The following SUPT3H variants were observed in gnomAD, a reference collection of about 807,000 sequenced individuals.
SUPT3H encodes transcription initiation protein SPT3 homolog.
SUPT3H carries 44 observed loss-of-function variants against 44.3 expected under a neutral mutation model. The ratio of observed to expected loss-of-function variants is 0.99; its 90% CI spans 0.78 to 1.28. SUPT3H has a LOEUF of 1.28. Ranked by LOEUF, SUPT3H falls within the 50% of genes most tolerant of loss-of-function variation. The probability of loss-of-function intolerance (pLI) is 0.00; values close to 1 mark genes in which losing one functional copy is unlikely to be tolerated. For synonymous variants in SUPT3H, 124 were observed against 125.6 expected (o/e 0.99, Z 0.09); for missense variants, 380 against 387.1 (o/e 0.98, Z 0.15).
At chr6:45,309,095 T>C (rs769870475) in intron 2 of SUPT3H, among the ~76,000 whole-genome samples, 1 of 148,542 alleles carries the variant, frequency 6.7e-6, no homozygotes, top group Non-Finnish European at 1.5e-5. Context: ...GAAAAATAAA[T>C]GGAGAAAGGA....
chr6:45,060,765 AC>A (rs1173360519), intron 3 of SUPT3H, among the ~76,000 whole-genome samples: 1 of 152,100 alleles, frequency 6.6e-6, no homozygotes, highest in Non-Finnish European at 1.5e-5. Flanking sequence ...AAAATACACA[AC>A]CCCATTAAAA....
intron 10 of SUPT3H, among the ~76,000 whole-genome samples, chr6:44,885,868 A>C (rs968189621): frequency 6.6e-6 from 1 of 152,194 alleles, no homozygotes; most frequent in African/African-American, 2.4e-5. Flanking sequence ...AAAACTTTGA[A>C]AAAAATTTAG....
intron 11 of SUPT3H, among the ~76,000 whole-genome samples, chr6:44,811,756 G>T (rs946893631): frequency 6.6e-6 from 1 of 152,224 alleles, no homozygotes; most frequent in Non-Finnish European, 1.5e-5. Flanking sequence ...CAAGGTGGCA[G>T]TTATACAGAA....
rs113797153 is a variant in SUPT3H at position 44,987,128 on chromosome 6, G to A, written c.504+16525C>T. The stretch of plus-strand genomic sequence containing the variant: ...CTGTCTTCTCCCTATGTCCTCACAT[G>A]GCAGAGATCTCTAGAGGTTCTTCCT... On this transcript the variant is annotated intron_variant, in intron 6 of 10. Coordinates refer to ENST00000371459, the MANE Select transcript of SUPT3H (RefSeq NM_003599.4). 9.0e-3 allele frequency among the ~76,000 whole-genome samples: 1,371 copies of A among 152,188 alleles called. 14 individuals are homozygous for A. The highest frequency in any genetic ancestry group is 0.028 in the South Asian group (135 of 4,816).
intron 10 of SUPT3H, 82 bp from the exon 11 acceptor site, chr6:44,829,939 T>A: frequency 7.6e-7 from 1 of 1,320,988 alleles, no homozygotes; most frequent in African/African-American, 1.4e-5. Context: ...CAGAGCCCTC[T>A]TCCTGTTTTG....
intron 2 of SUPT3H, among the ~76,000 whole-genome samples, chr6:45,206,760 C>A (rs1763276667): frequency 6.6e-6 from 1 of 151,972 alleles, no homozygotes. Context: ...AAAGATAACT[C>A]CAAAGATTTT....
At chr6:45,377,729 C>A (rs1400711709) in intron 1 of SUPT3H, 39 bp downstream of exon 1, 1 of 152,370 alleles carries the variant, frequency 6.6e-6, no homozygotes, top group African/African-American at 2.4e-5. Context: ...ACGTCTCCCC[C>A]GCCCGAATCC....
At chr6:45,199,431 T>G (rs994757515) in intron 2 of SUPT3H, among the ~76,000 whole-genome samples, 1 of 151,322 alleles carries the variant, frequency 6.6e-6, no homozygotes, top group Admixed American at 6.6e-5. Context: ...TAAAAAAAAG[T>G]ATTTTTTGCA....
chr6:45,116,051 C>T (rs1800794916), intron 2 of SUPT3H, among the ~76,000 whole-genome samples: 1 of 152,150 alleles, frequency 6.6e-6, no homozygotes, highest in Non-Finnish European at 1.5e-5. Flanking sequence ...GATCAGCAGC[C>T]TTCCTTGCTA....
At chr6:44,850,544 C>T (rs903497235) in intron 10 of SUPT3H, among the ~76,000 whole-genome samples, 22 of 152,068 alleles carry the variant, frequency 1.4e-4, no homozygotes, top group African/African-American at 5.1e-4. Flanking sequence ...CCCTCAGGGC[C>T]AGTGCAGGAG....
chr6:44,837,076 T>C (rs572041229), intron 10 of SUPT3H, among the ~76,000 whole-genome samples: 3 of 152,312 alleles, frequency 2.0e-5, no homozygotes, highest in East Asian at 1.9e-4. Context: ...CTCTTTTTTT[T>C]ACAATCTTGG....
At chr6:45,168,264 C>A (rs74642280) in intron 2 of SUPT3H, among the ~76,000 whole-genome samples, 145 of 152,226 alleles carry the variant, frequency 9.5e-4, no homozygotes, top group Middle Eastern at 3.4e-3. Context: ...GATACAGTAA[C>A]GGGCTAAATA....
At position 44,955,916 on chromosome 6, in the gene SUPT3H, C is replaced by T. The variant is rs184949824; in HGVS notation, c.581-1309G>A. Among the ~76,000 whole-genome samples, 820 of 146,210 alleles carry T rather than the reference C, an allele frequency of 5.6e-3. 12 individuals are homozygous for T. Among genetic ancestry groups the T allele is most frequent in the African/African-American group, 0.02 (790 of 39,610 alleles). ...CGGGCCGATCACGAGGTCAGGAGAT[C>T]GAGACCATCCTGGCTAATATGGTGA... On this transcript the variant is annotated intron_variant, in intron 7 of 10. Transcript: ENST00000371459.
intron 2 of SUPT3H, among the ~76,000 whole-genome samples, chr6:45,318,121 A>G (rs1312947987): frequency 6.6e-6 from 1 of 152,196 alleles, no homozygotes; most frequent in Non-Finnish European, 1.5e-5. Context: ...TGGAAAAGGC[A>G]ATACTATAGA....
At chr6:45,024,749 T>C (rs1436562716) in intron 3 of SUPT3H, among the ~76,000 whole-genome samples, 1 of 152,156 alleles carries the variant, frequency 6.6e-6, no homozygotes, top group African/African-American at 2.4e-5. Context: ...AGATTAACAG[T>C]TCAATCAGTA....
chr6:44,946,348 A>T (rs1773342107), intron 9 of SUPT3H, among the ~76,000 whole-genome samples: 1 of 152,236 alleles, frequency 6.6e-6, no homozygotes, highest in African/African-American at 2.4e-5. Flanking sequence ...AATATATTTC[A>T]TAAGACTATT....
chr6:44,928,666 C>T (rs1021677862), intron 10 of SUPT3H, among the ~76,000 whole-genome samples: 2 of 151,516 alleles, frequency 1.3e-5, no homozygotes, highest in African/African-American at 2.4e-5. Context: ...GAGGCCGAGG[C>T]GGGCGGATCA....
At chr6:44,969,349 T>G (rs1025079493) in intron 6 of SUPT3H, among the ~76,000 whole-genome samples, 6 of 152,184 alleles carry the variant, frequency 3.9e-5, no homozygotes, top group Non-Finnish European at 8.8e-5. Flanking sequence ...TTGATAGTAT[T>G]TATCTCTGGA....
At chr6:44,954,694 A>G in intron 7 of SUPT3H, 87 bp from the exon 8 acceptor site, 1 of 744,546 alleles carries the variant, frequency 1.3e-6, no homozygotes, top group Non-Finnish European at 2.3e-6. Flanking sequence ...TTAAAAAAGT[A>G]TACTCAGAAT....
Sources: gnomAD v4.1 joint callset for allele counts (sites outside exome capture counted in the v4.1 genomes callset) on GRCh38, gnomAD v4.1.1 for gene constraint, MANE v1.5 for transcripts, NCBI Gene and HGNC (gene_info 2026-07-23, HGNC 2026-07-21) for gene names.